DDX39B: variants seen among roughly 807,000 people sequenced by gnomAD.
The protein encoded by DDX39B is DExD-box helicase 39B, also known as spliceosome RNA helicase DDX39B.
DDX39B carries 6 observed loss-of-function variants against 46.4 expected under a neutral mutation model. The observed-to-expected ratio is 0.13, with a 90% CI of 0.07 to 0.26. The LOEUF (loss-of-function observed/expected upper bound fraction) is 0.26, where lower values mean the gene tolerates loss of function less well. Among genes scored for constraint, DDX39B ranks in the 10% least tolerant of loss-of-function variants. The pLI is 1.00. For synonymous variants in DDX39B, 174 were observed against 199.4 expected (o/e 0.87, Z 1.07); for missense variants, 185 against 553.4 (o/e 0.33, Z 6.68).
chr6:31,541,136 C>A (rs760935679), intron 1 of DDX39B: 1 of 533,716 alleles, frequency 1.9e-6, no homozygotes, highest in Non-Finnish European at 3.8e-6. Flanking sequence ...AGGGTCATCA[C>A]TGCGCAAAGC....
At chr6:31,540,038 C>T (rs867916376) in intron 2 of DDX39B, among the ~76,000 whole-genome samples, 1 of 152,316 alleles carries the variant, frequency 6.6e-6, no homozygotes, top group Middle Eastern at 3.4e-3. Flanking sequence ...GGTGCAATCA[C>T]GGCTCACTGA....
In DDX39B at chr6:31,530,670, G is replaced by A. The variant is rs58593129; in HGVS notation, c.1270+109C>T. The A allele has an allele frequency of 6.1e-6, 9 of 1,463,822 alleles. No individual in the cohort carries two copies. The highest frequency in any genetic ancestry group is 8.4e-6 in the Non-Finnish European group (9 of 1,070,406). The allele number at this position is 1,463,822 out of a possible 1,614,324, so 90.7% of individuals were successfully genotyped here. A position where few individuals can be genotyped will look rare whatever the true frequency, so the allele number is the denominator to read the frequency against. ...ATCAAAGACCAGGGGGCATGAACCA[G>A]TCAAGTGTCCATTATGCATCAGATG... is the stretch of plus-strand genomic sequence containing the variant. On this transcript the variant is annotated intron_variant, in intron 10 of 10. Coordinates refer to ENST00000396172, the MANE Select transcript of DDX39B (RefSeq NM_004640.7). The surrounding 1 kb of genome is among the most constrained non-coding windows in gnomAD (Gnocchi z 4.5).
chr6:31,540,214 C>G (rs1038792773), intron 2 of DDX39B, 108 bp downstream of exon 2: 7 of 1,266,310 alleles, frequency 5.5e-6, no homozygotes, highest in Non-Finnish European at 7.8e-6. Flanking sequence ...TGGCCCTGAT[C>G]TAGCCTTAAG....
Position 31,540,657 on chromosome 6 carries a change from C to T in DDX39B, c.-125G>A, listed in dbSNP as rs944413755. ...AGGAAAACAAAGATACTATTTCTAA[C>T]AGAAGAGCTGGAGGGGGGAAAAAAA... On this transcript the variant is annotated 5_prime_UTR_variant, in exon 2 of 11. Transcript: ENST00000396172. 13 of 848,876 alleles carry T rather than the reference C, an allele frequency of 1.5e-5. No individual in the cohort carries two copies. Among genetic ancestry groups the T allele is most frequent in the African/African-American group, 1.5e-4 (7 of 47,930 alleles). 52.6% of individuals were successfully genotyped at this position (848,876 alleles called of 1,614,324 possible).
Position 31,536,801 on chromosome 6 carries a change from C to T in DDX39B, c.433-118G>A, listed in dbSNP as rs1447071917. ...TAGCATGTTTCCAAACTAAAACTAA[C>T]TTTAGAGGGCACCTAATTTAAAAAT... On this transcript the variant is annotated intron_variant, in intron 4 of 10. Transcript: ENST00000396172. The T allele has an allele frequency of 6.1e-6, 8 of 1,314,904 alleles. No homozygotes were observed. The African/African-American group carries it at 1.0e-4, about 17-fold the overall frequency. The allele number at this position is 1,314,904 out of a possible 1,614,324, so 81.5% of individuals were successfully genotyped here.
chr6:31,541,368 C>T (rs190494447), intron 1 of DDX39B: 2 of 374,770 alleles, frequency 5.3e-6, no homozygotes, highest in Admixed American at 3.6e-5. Context: ...AAAGGCAATC[C>T]CCGCCCAGGC....
In DDX39B at chr6:31,530,959, C is replaced by T. The variant is rs563751712; in HGVS notation, c.1123-33G>A. On this transcript the variant is annotated intron_variant, in intron 9 of 10. Transcript: ENST00000396172. The surrounding 1 kb of genome is among the most constrained non-coding windows in gnomAD (Gnocchi z 4.5). ...GAGACAGAGGGTAGCACTGGAAGAC[C>T]GAAGAGGAAAGAGACCCAGAGGCAG... 3 of 1,613,672 alleles carry T rather than the reference C, an allele frequency of 1.9e-6. No individual in the cohort carries two copies. Among genetic ancestry groups the T allele is most frequent in the East Asian group, 2.2e-5 (1 of 44,848 alleles).
chr6:31,541,807 G>C, intron 1 of DDX39B, 143 bp downstream of exon 1: 1 of 662,730 alleles, frequency 1.5e-6, no homozygotes, highest in Admixed American at 2.4e-5. Flanking sequence ...CTCTCGAAAG[G>C]GATGCAAGCT....
rs188923768 is a variant in DDX39B, at chr6:31,542,001, T to C, written c.-184A>G. On this transcript the variant is annotated 5_prime_UTR_variant, in exon 1 of 11. Transcript: ENST00000396172. ...CAGCAACAGCGACGAAGGAGGGAAA[T>C]CTGCCTTCACTTCCGGTTGCAGGCT... The C allele has an allele frequency of 7.6e-5, 52 of 681,182 alleles. 1 individual carries two copies. The highest frequency in any genetic ancestry group is 7.1e-4 in the Admixed American group (35 of 49,042). 42.2% of individuals were successfully genotyped at this position (681,182 alleles called of 1,614,324 possible).
At chr6:31,532,737 G>C in intron 7 of DDX39B, 43 bp downstream of exon 7, 1 of 1,601,840 alleles carries the variant, frequency 6.2e-7, no homozygotes, top group Non-Finnish European at 8.5e-7. Context: ...TGCTACAGCT[G>C]GAGTGCTCCA....
chr6:31,539,103 A>T, intron 3 of DDX39B, 44 bp downstream of exon 3: 1 of 1,613,374 alleles, frequency 6.2e-7, no homozygotes, highest in Non-Finnish European at 8.5e-7. Flanking sequence ...CTTCCCTTAT[A>T]GTCCTAACCA....
chr6:31,535,088 G>C lies in DDX39B; in HGVS notation c.735+279C>G. On this transcript the variant is annotated intron_variant, in intron 6 of 10. Coordinates refer to ENST00000396172, the MANE Select transcript of DDX39B (RefSeq NM_004640.7). This position sits in a 1 kb window ranked among gnomAD's most constrained non-coding sequence, Gnocchi z 4.6. ...AGAAAAATCCTGCCCTCCCCCAAAG[G>C]GAGAAGAGGTTCAAAAATGTTGTGA... 1 of 501,470 alleles carries C rather than the reference G, an allele frequency of 2.0e-6. No individual in the cohort carries two copies. 31.1% of individuals were successfully genotyped at this position (501,470 alleles called of 1,614,324 possible). A position where few individuals can be genotyped will look rare whatever the true frequency, so the allele number is the denominator to read the frequency against.
Position 31,534,392 on chromosome 6 carries a change from C to T in DDX39B, c.735+975G>A, listed in dbSNP as rs973218148. On this transcript the variant is annotated intron_variant, in intron 6 of 10. Transcript: ENST00000396172. This position sits in a 1 kb window ranked among gnomAD's most constrained non-coding sequence, Gnocchi z 5.1. ...AGAGTGATCATCCCACGGGAAGGAA[C>T]ACTGCAGGGAGGGGAAGAACACACT... is the stretch of plus-strand genomic sequence containing the variant. 1 of 443,428 alleles carries T rather than the reference C, an allele frequency of 2.3e-6. No individual in the cohort carries two copies. The highest frequency in any genetic ancestry group is 2.1e-5 in the African/African-American group (1 of 48,316). 27.5% of individuals were successfully genotyped at this position (443,428 alleles called of 1,614,324 possible). A position where few individuals can be genotyped will look rare whatever the true frequency, so the allele number is the denominator to read the frequency against.
Position 31,530,302 on chromosome 6 carries a change from T to C in DDX39B, c.*132A>G. Reference sequence around the variant, plus strand: ...CAAATCAGAAATGGGGGTTCAGGAGTGGTGGTGATGCAAAAGATGGAAGCC... The same window carrying C: ...CAAATCAGAAATGGGGGTTCAGGAGCGGTGGTGATGCAAAAGATGGAAGCC... On this transcript the variant is annotated 3_prime_UTR_variant, in exon 11 of 11. Coordinates refer to ENST00000396172, the MANE Select transcript of DDX39B (RefSeq NM_004640.7). The surrounding 1 kb of genome is among the most constrained non-coding windows in gnomAD (Gnocchi z 4.5). 1 of 1,060,108 alleles carries C rather than the reference T, an allele frequency of 9.4e-7. No individual in the cohort carries two copies. Among genetic ancestry groups the C allele is most frequent in the East Asian group, 2.6e-5 (1 of 38,444 alleles). 65.7% of individuals were successfully genotyped at this position (1,060,108 alleles called of 1,614,324 possible). A position where few individuals can be genotyped will look rare whatever the true frequency, so the allele number is the denominator to read the frequency against.
intron 1 of DDX39B, 56 bp downstream of exon 1, chr6:31,541,894 G>T: frequency 1.6e-6 from 1 of 634,940 alleles, no homozygotes. Flanking sequence ...CCATGTGACG[G>T]GATGGGTGCG....
rs776227731 is a variant in DDX39B at position 31,540,542 on chromosome 6, G to A, written c.-10C>T. ...CATCGTTCTCTGCCATAACTGGGCC[G>A]GCAGGGGAAGAAGGGAAGGGGGATC... On this transcript the variant is annotated 5_prime_UTR_variant, in exon 2 of 11. Transcript: ENST00000396172. The A allele has an allele frequency of 1.4e-5, 22 of 1,613,508 alleles. No individual in the cohort carries two copies. Among genetic ancestry groups the A allele is most frequent in the Middle Eastern group, 1.7e-4 (1 of 6,058 alleles).
rs183490546 is a variant in DDX39B at position 31,531,882 on chromosome 6, T to A, written c.868-477A>T. The A allele has an allele frequency of 5.7e-4, 91 of 158,626 alleles. No homozygotes were observed. Among genetic ancestry groups the A allele is most frequent in the Non-Finnish European group, 4.7e-4 (34 of 71,884 alleles). 9.8% of individuals were successfully genotyped at this position (158,626 alleles called of 1,614,324 possible). A position where few individuals can be genotyped will look rare whatever the true frequency, so the allele number is the denominator to read the frequency against. On this transcript the variant is annotated intron_variant, in intron 7 of 10. Transcript: ENST00000396172. This position sits in a 1 kb window ranked among gnomAD's most constrained non-coding sequence, Gnocchi z 5.8. The stretch of plus-strand genomic sequence containing the variant: ...CCCAGACTGGAGTGCAGTGGTGCAA[T>A]CGCAAGTCACTGCAGCCTCCACCCT...
chr6:31,531,182 C>T lies in DDX39B; in HGVS notation c.993G>A (p.Gln331=). 6.2e-7 allele frequency: 1 copy of T among 1,614,242 alleles called. No homozygotes were observed. The highest frequency in any genetic ancestry group is 8.5e-7 in the Non-Finnish European group (1 of 1,180,040). The change falls in exon 9 of 11, where the codon CAG becomes CAA. Residue 331 remains glutamine (Q), a synonymous_variant. Coordinates refer to ENST00000396172, the MANE Select transcript of DDX39B (RefSeq NM_004640.7). This position sits in a 1 kb window ranked among gnomAD's most constrained non-coding sequence, Gnocchi z 5.8. The part of the protein sequence containing the change: ...MPQEERLSRY[Q]QFKDFQRRIL... ...TTCGTCGTTGAAAATCTTTAAACTG[C>T]TGATACCGAGAAAGCCTTTGTGAGA...
In DDX39B at chr6:31,534,743, A is replaced by T; in HGVS notation, c.735+624T>A. 1 of 348,976 alleles carries T rather than the reference A, an allele frequency of 2.9e-6. No individual in the cohort carries two copies. Among genetic ancestry groups the T allele is most frequent in the Middle Eastern group, 1.0e-3 (1 of 954 alleles). 21.6% of individuals were successfully genotyped at this position (348,976 alleles called of 1,614,324 possible). A position where few individuals can be genotyped will look rare whatever the true frequency, so the allele number is the denominator to read the frequency against. ...GCCGTCTGCATTCCCTCGCCGCGCC[A>T]CGGTGCTTCTCTGTTGCCGGCTCAC... is the stretch of plus-strand genomic sequence containing the variant. On this transcript the variant is annotated intron_variant, in intron 6 of 10. Coordinates refer to ENST00000396172, the MANE Select transcript of DDX39B (RefSeq NM_004640.7). The surrounding 1 kb of genome is among the most constrained non-coding windows in gnomAD (Gnocchi z 5.1).
Sources: allele counts gnomAD v4.1 joint callset (sites outside exome capture counted in the v4.1 genomes callset), GRCh38; gene constraint gnomAD v4.1.1; non-coding constraint Gnocchi (gnomAD v3.1); transcripts MANE v1.5; gene names NCBI Gene and HGNC (gene_info 2026-07-23, HGNC 2026-07-21).